The following LAMA2 variants were observed in gnomAD, a reference collection of about 807,000 sequenced individuals.
LAMA2 encodes the protein laminin subunit alpha-2.
A neutral mutation model predicts 364.8 loss-of-function variants in LAMA2; 269 were observed. That is an observed-to-expected ratio of 0.74 (90% CI 0.67 to 0.82). The LOEUF (loss-of-function observed/expected upper bound fraction) is 0.82. LAMA2 is among the 40% of genes least tolerant of loss of function. The pLI, the probability that LAMA2 is intolerant of heterozygous loss-of-function variation, is 0.00. For synonymous variants in LAMA2, 1,379 were observed against 1,370.6 expected (o/e 1.01, Z -0.14); for missense variants, 3,807 against 3,873.2 (o/e 0.98, Z 0.45).
At chr6:129,276,068 T>G (rs1044099321) in intron 17 of LAMA2, among the ~76,000 whole-genome samples, 2 of 152,070 alleles carry the variant, frequency 1.3e-5, no homozygotes, top group African/African-American at 4.8e-5. Context: ...CTTCAGAAAT[T>G]TATGACGCTA....
At chr6:129,242,031 C>T (rs1250936784) in intron 12 of LAMA2, among the ~76,000 whole-genome samples, 1 of 152,148 alleles carries the variant, frequency 6.6e-6, no homozygotes, top group Non-Finnish European at 1.5e-5. Flanking sequence ...AAAATGCCCT[C>T]CATCTGAATA....
chr6:129,133,506 A>C (rs1777607602), intron 4 of LAMA2, among the ~76,000 whole-genome samples: 1 of 152,138 alleles, frequency 6.6e-6, no homozygotes, highest in Non-Finnish European at 1.5e-5. Flanking sequence ...ATATATTGAG[A>C]GGTGAGAATA....
At position 129,206,827 on chromosome 6, in the gene LAMA2, T is replaced by C. The variant is rs141154325; in HGVS notation, c.1782+13974T>C. ...GATAGGGCCTCCAACTGAAATGTGA[T>C]GAATTATTAAACAGGTAGTTTGTTG... On this transcript the variant is annotated intron_variant, in intron 12 of 64. Coordinates refer to ENST00000421865, the MANE Select transcript of LAMA2 (RefSeq NM_000426.4). 6.2e-3 allele frequency among the ~76,000 whole-genome samples: 942 copies of C among 152,294 alleles called. 8 individuals are homozygous for C. Among genetic ancestry groups the C allele is most frequent in the African/African-American group, 0.022 (907 of 41,554 alleles).
chr6:129,321,160 T>G (rs1489211639), intron 28 of LAMA2, among the ~76,000 whole-genome samples: 1 of 152,354 alleles, frequency 6.6e-6, no homozygotes, highest in East Asian at 1.9e-4. Context: ...TTTTTACATT[T>G]TAAAAGTAAT....
chr6:129,325,161 A>G (rs1245825117), intron 28 of LAMA2, among the ~76,000 whole-genome samples: 1 of 152,140 alleles, frequency 6.6e-6, no homozygotes. Context: ...TGTAAATTTA[A>G]TCTAATTTTT....
chr6:129,275,611 A>T (rs1238133375), intron 17 of LAMA2, among the ~76,000 whole-genome samples: 3 of 151,954 alleles, frequency 2.0e-5, no homozygotes, highest in East Asian at 1.9e-4. Flanking sequence ...ATTAACAGCT[A>T]TGTTAATATA....
intron 9 of LAMA2, among the ~76,000 whole-genome samples, chr6:129,166,118 A>G (rs1390966762): frequency 6.6e-6 from 1 of 152,218 alleles, no homozygotes; most frequent in Non-Finnish European, 1.5e-5. Context: ...GATGTAGGCA[A>G]TAATATAGAA....
chr6:128,940,687 CA>C (rs369517736), intron 1 of LAMA2, among the ~76,000 whole-genome samples: 6 of 152,268 alleles, frequency 3.9e-5, no homozygotes, highest in African/African-American at 1.4e-4. Context: ...CGTGGTAGCT[CA>C]CACCTGTGAT....
chr6:129,501,762 A>G (rs145133600), intron 58 of LAMA2, among the ~76,000 whole-genome samples: 1 of 152,348 alleles, frequency 6.6e-6, no homozygotes, highest in East Asian at 1.9e-4. Context: ...AGCAGCCTGT[A>G]TATCGACCTA....
intron 7 of LAMA2, among the ~76,000 whole-genome samples, chr6:129,152,501 A>AT (rs1778868200): frequency 6.6e-6 from 1 of 152,204 alleles, no homozygotes. Context: ...GTACAGGCAT[A>AT]TTATCATGAT....
At chr6:129,220,190 A>G (rs1223128756) in intron 12 of LAMA2, among the ~76,000 whole-genome samples, 1 of 152,228 alleles carries the variant, frequency 6.6e-6, no homozygotes, top group African/African-American at 2.4e-5. Context: ...CTTTCAGATT[A>G]TATGACCATA....
chr6:129,036,249 A>G (rs1309630177), intron 1 of LAMA2, among the ~76,000 whole-genome samples: 1 of 152,030 alleles, frequency 6.6e-6, no homozygotes, highest in Non-Finnish European at 1.5e-5. Context: ...TTCACTTTTA[A>G]TAGTTATTTT....
intron 1 of LAMA2, among the ~76,000 whole-genome samples, chr6:129,035,685 G>A (rs1003447796): frequency 4.6e-5 from 7 of 151,872 alleles, no homozygotes; most frequent in Non-Finnish European, 8.8e-5. Context: ...TTTGTATATG[G>A]TGACACATAG....
At chr6:129,120,086 G>GAAACAAAT (rs1776716592) in intron 4 of LAMA2, among the ~76,000 whole-genome samples, 1 of 152,118 alleles carries the variant, frequency 6.6e-6, no homozygotes, top group Admixed American at 6.5e-5. Context: ...GTCCATAAAA[G>GAAACAAAT]AAACAAATAT....
intron 16 of LAMA2, among the ~76,000 whole-genome samples, chr6:129,268,073 T>A (rs1223272782): frequency 6.6e-6 from 1 of 152,140 alleles, no homozygotes; most frequent in Non-Finnish European, 1.5e-5. Context: ...TTTCTCTTGC[T>A]CATTTTCCCC....
chr6:129,052,135 C>CTT (rs34305119), intron 2 of LAMA2, among the ~76,000 whole-genome samples: 12 of 127,400 alleles, frequency 9.4e-5, no homozygotes, highest in South Asian at 2.5e-4. Context: ...ATTTCTTCTC[C>CTT]TTTTTTTTTT....
chr6:129,098,744 C>T (rs1198663292), intron 4 of LAMA2, among the ~76,000 whole-genome samples: 3 of 152,146 alleles, frequency 2.0e-5, no homozygotes, highest in Non-Finnish European at 2.9e-5. Flanking sequence ...TTAAAGGTGG[C>T]CTTACATTTG....
chr6:129,018,634 G>A (rs1450681003), intron 1 of LAMA2, among the ~76,000 whole-genome samples: 2 of 151,362 alleles, frequency 1.3e-5, no homozygotes, highest in Non-Finnish European at 2.9e-5. Context: ...TATTTCACTG[G>A]ATATTTCTAA....
intron 1 of LAMA2, among the ~76,000 whole-genome samples, chr6:128,940,489 A>G (rs556279166): frequency 3.9e-5 from 6 of 152,224 alleles, no homozygotes; most frequent in Non-Finnish European, 8.8e-5. Flanking sequence ...GCAGACATCT[A>G]ATAAATATTT....
Sources: gnomAD v4.1 joint callset for allele counts (sites outside exome capture counted in the v4.1 genomes callset) on GRCh38, gnomAD v4.1.1 for gene constraint, MANE v1.5 for transcripts, NCBI Gene and HGNC (gene_info 2026-07-23, HGNC 2026-07-21) for gene names.